Variants in BCAS3 observed in about 807,000 individuals in gnomAD.
BCAS3 encodes the protein BCAS3 microtubule associated cell migration factor, also known as BCAS4/BCAS3 fusion.
In BCAS3, 53 loss-of-function variants were observed where a neutral mutation model predicts 116.1. The ratio of observed to expected loss-of-function variants is 0.46; its 90% confidence interval spans 0.37 to 0.57. The LOEUF (loss-of-function observed/expected upper bound fraction) is 0.57, where lower values mean the gene tolerates loss of function less well. Ranked by LOEUF, BCAS3 falls within the 20% of genes least tolerant of loss-of-function variation. The pLI is 0.00. For synonymous variants in BCAS3, 391 were observed against 408.2 expected, an observed-to-expected ratio of 0.96 and a Z score of 0.51; for missense variants, 917 against 1,165.4, an observed-to-expected ratio of 0.79 and a Z score of 3.10.
chr17:60,766,435 C>G (rs947110795), intron 6 of BCAS3, among the ~76,000 whole-genome samples: 1 of 152,184 alleles, frequency 6.6e-6, no homozygotes, highest in Non-Finnish European at 1.5e-5. Context: ...AGTTTTCCTT[C>G]TAACAGTCAG....
chr17:61,368,510 G>C lies in BCAS3; in HGVS notation c.2593+16G>C. 6.3e-7 allele frequency: 1 copy of C among 1,587,650 alleles called. No individual in the cohort carries two copies. Among genetic ancestry groups the C allele is most frequent in the Non-Finnish European group, 8.6e-7 (1 of 1,159,656 alleles). ...TCCGGAACAGGTAAAGGTGTCATCA[G>C]ACTTCTAGCCTGATTTGGTCAGGAC... On this transcript the variant is annotated intron_variant, in intron 23 of 23. Coordinates refer to ENST00000407086, the MANE Select transcript of BCAS3 (RefSeq NM_017679.5). This position sits in a 1 kb window ranked among gnomAD's most constrained non-coding sequence, Gnocchi z 6.0.
intron 19 of BCAS3, among the ~76,000 whole-genome samples, chr17:61,046,047 AAT>A (rs1225972014): frequency 3.0e-4 from 5 of 16,712 alleles, no homozygotes; most frequent in African/African-American, 4.7e-4. Context: ...ATATATATAT[AAT>A]ATATATATTA....
intron 6 of BCAS3, among the ~76,000 whole-genome samples, chr17:60,774,907 A>G (rs1300743328): frequency 6.6e-6 from 1 of 152,126 alleles, no homozygotes; most frequent in African/African-American, 2.4e-5. Flanking sequence ...TGTTTTTTAT[A>G]TATTTTATCT....
At chr17:60,811,403 A>G (rs138957882) in intron 7 of BCAS3, 9 of 616,166 alleles carry the variant, frequency 1.5e-5, no homozygotes, top group South Asian at 2.9e-5. Context: ...CACCTCTCCC[A>G]GGATAGTGGA....
chr17:60,771,617 A>C (rs2044714211), intron 6 of BCAS3, among the ~76,000 whole-genome samples: 2 of 151,980 alleles, frequency 1.3e-5, no homozygotes, highest in Non-Finnish European at 2.9e-5. Context: ...TTTGTTACAT[A>C]TGTATACATG....
At chr17:61,184,361 A>AG (rs1246661869) in intron 22 of BCAS3, among the ~76,000 whole-genome samples, 1 of 151,818 alleles carries the variant, frequency 6.6e-6, no homozygotes, top group African/African-American at 2.4e-5. Flanking sequence ...ATGACAAAAA[A>AG]AAGACATGAA....
intron 5 of BCAS3, among the ~76,000 whole-genome samples, chr17:60,731,259 G>C (rs1399040491): frequency 6.6e-6 from 1 of 152,154 alleles, no homozygotes; most frequent in Non-Finnish European, 1.5e-5. Context: ...TGTCGCCCAG[G>C]CCTGAGTGCA....
chr17:61,057,916 T>C (rs1374686725), intron 19 of BCAS3, among the ~76,000 whole-genome samples: 1 of 152,150 alleles, frequency 6.6e-6, no homozygotes, highest in Non-Finnish European at 1.5e-5. Flanking sequence ...TTTAATACTT[T>C]GTTTTAAATT....
chr17:60,753,145 A>C (rs188396416), intron 6 of BCAS3, among the ~76,000 whole-genome samples: 4 of 152,186 alleles, frequency 2.6e-5, no homozygotes, highest in Admixed American at 1.3e-4. Flanking sequence ...CCCATATGTA[A>C]TTTTTTGATC....
At chr17:61,351,711 C>G (rs770392004) in intron 22 of BCAS3, among the ~76,000 whole-genome samples, 1 of 152,184 alleles carries the variant, frequency 6.6e-6, no homozygotes, top group South Asian at 2.1e-4. Context: ...CTCCCCCTTC[C>G]GCATCTCAGA....
intron 22 of BCAS3, among the ~76,000 whole-genome samples, chr17:61,096,277 G>A (rs903393065): frequency 1.3e-5 from 2 of 151,968 alleles, no homozygotes; most frequent in African/African-American, 2.4e-5. Context: ...GATAACTATA[G>A]CACGTTTTTA....
rs1304589455 is a variant in BCAS3, at chr17:61,041,409, G to GTGTAATATATATATATATATATAT, written c.2029+517_2029+518insTGTAATATATATATATATATATAT. Among the ~76,000 whole-genome samples, 1 of 152,134 alleles carries GTGTAATATATATATATATATATAT rather than the reference G, an allele frequency of 6.6e-6. No homozygotes were observed. The highest frequency in any genetic ancestry group is 6.5e-5 in the Admixed American group (1 of 15,274). Reference sequence around the variant, plus strand: ...ATGTTTAAGCGTGAGCATTTGTAGAGACTGAACCAAGTTCATTGACCTAGA... The same window carrying GTGTAATATATATATATATATATAT: ...ATGTTTAAGCGTGAGCATTTGTAGAGTGTAATATATATATATATATATATACTGAACCAAGTTCATTGACCTAGA... On this transcript the variant is annotated intron_variant, in intron 19 of 23. Coordinates refer to ENST00000407086, the MANE Select transcript of BCAS3 (RefSeq NM_017679.5). This position sits in a 1 kb window ranked among gnomAD's most constrained non-coding sequence, Gnocchi z 4.7.
chr17:60,723,637 ATTG>A (rs1212242621), intron 5 of BCAS3, among the ~76,000 whole-genome samples: 2 of 147,046 alleles, frequency 1.4e-5, no homozygotes, highest in Non-Finnish European at 3.0e-5. Flanking sequence ...TGTGGAAACT[ATTG>A]TTCATATTCA....
chr17:61,359,547 T>C (rs1603033193), intron 22 of BCAS3, among the ~76,000 whole-genome samples: 1 of 150,462 alleles, frequency 6.6e-6, no homozygotes, highest in Non-Finnish European at 1.5e-5. Flanking sequence ...CAGGCTGGAG[T>C]GCGGTGCCGC....
intron 22 of BCAS3, among the ~76,000 whole-genome samples, chr17:61,342,913 C>T (rs2057273047): frequency 6.6e-6 from 1 of 152,136 alleles, no homozygotes; most frequent in Non-Finnish European, 1.5e-5. Flanking sequence ...CCACATCCAG[C>T]TAATGTTTTT....
chr17:61,158,316 G>T (rs1363825293), intron 22 of BCAS3, among the ~76,000 whole-genome samples: 1 of 152,058 alleles, frequency 6.6e-6, no homozygotes, highest in Non-Finnish European at 1.5e-5. Context: ...AAGTGTTTCA[G>T]TCATTTTTTT....
chr17:61,156,896 A>AT lies in BCAS3; in HGVS notation c.2425+72337dup, dbSNP rs1219070297. Among the ~76,000 whole-genome samples, 5 of 152,174 alleles carry AT rather than the reference A, an allele frequency of 3.3e-5. No homozygotes were observed. Among genetic ancestry groups the AT allele is most frequent in the Non-Finnish European group, 7.4e-5 (5 of 68,024 alleles). ...TTGACACAATTTAATATTTGCAATTATTTTTCCTTTGAAACAACACTTAAA... is the reference window on the plus strand; with the variant it reads ...TTGACACAATTTAATATTTGCAATTATTTTTTCCTTTGAAACAACACTTAAA... On this transcript the variant is annotated intron_variant, in intron 22 of 23. Transcript: ENST00000407086. This position sits in a 1 kb window ranked among gnomAD's most constrained non-coding sequence, Gnocchi z 4.7.
At chr17:61,303,490 G>A (rs951299231) in intron 22 of BCAS3, among the ~76,000 whole-genome samples, 1 of 152,122 alleles carries the variant, frequency 6.6e-6, no homozygotes, top group Non-Finnish European at 1.5e-5. Context: ...TCAGCTTCCG[G>A]GATGGTGATT....
chr17:60,840,325 C>T (rs1353505896), intron 7 of BCAS3, among the ~76,000 whole-genome samples: 2 of 152,082 alleles, frequency 1.3e-5, no homozygotes, highest in African/African-American at 4.8e-5. Flanking sequence ...TTTAAAGATG[C>T]AGAAGGTACA....
Sources: gnomAD v4.1 joint callset for allele counts (sites outside exome capture counted in the v4.1 genomes callset) on GRCh38, gnomAD v4.1.1 for gene constraint, Gnocchi (gnomAD v3.1) non-coding constraint, MANE v1.5 for transcripts, NCBI Gene and HGNC (gene_info 2026-07-23, HGNC 2026-07-21) for gene names.